GSE1: variants seen among roughly 807,000 people sequenced by gnomAD.
The protein encoded by GSE1 is Gse1 coiled-coil protein, also known as genetic suppressor element 1.
A neutral mutation model predicts 112.6 loss-of-function variants in GSE1; 32 were observed. The observed-to-expected ratio is 0.28, with a 90% confidence interval of 0.21 to 0.38. The LOEUF (loss-of-function observed/expected upper bound fraction) is 0.38, where lower values mean the gene tolerates loss of function less well. Ranked by LOEUF, GSE1 falls within the 10% of genes least tolerant of loss-of-function variation. The pLI, the probability that GSE1 is intolerant of heterozygous loss-of-function variation, is 1.00. For missense variants in GSE1, 2,348 were observed against 1,699.2 expected, an observed-to-expected ratio of 1.38 and a Z score of -6.71; for synonymous variants, 1,115 against 735.6, an observed-to-expected ratio of 1.52 and a Z score of -8.35.
chr16:85,206,100 G>C (rs1424417507), intron 1 of GSE1, among the ~76,000 whole-genome samples: 3 of 152,086 alleles, frequency 2.0e-5, no homozygotes, highest in African/African-American at 4.8e-5. Context: ...GGGAGGCCGG[G>C]AGGCATCTGC....
intron 2 of GSE1, among the ~76,000 whole-genome samples, chr16:85,396,509 G>C (rs945593065): frequency 6.6e-6 from 1 of 152,222 alleles, no homozygotes; most frequent in Non-Finnish European, 1.5e-5. Flanking sequence ...GATGCTCTCC[G>C]CTCCTCTGCC....
chr16:85,179,031 C>G (rs2074526967), intron 1 of GSE1, among the ~76,000 whole-genome samples: 1 of 152,076 alleles, frequency 6.6e-6, no homozygotes, highest in Non-Finnish European at 1.5e-5. Context: ...GTGAAAGTCA[C>G]CCTTTGAAAG....
chr16:85,553,044 GTTTTC>G (rs1248682923), upstream of GSE1, among the ~76,000 whole-genome samples: 2 of 143,060 alleles, frequency 1.4e-5, no homozygotes, highest in African/African-American at 4.9e-5. Context: ...TTTAAAAATA[GTTTTC>G]TTTTTTTTTT....
intron 2 of GSE1, among the ~76,000 whole-genome samples, chr16:85,362,781 T>C (rs1221765262): frequency 6.6e-6 from 1 of 151,254 alleles, no homozygotes; most frequent in African/African-American, 2.4e-5. Flanking sequence ...ACGTGGGCCC[T>C]GGGTATCCTT....
At chr16:85,546,937 G>A (rs1164561995) in intron 2 of GSE1, among the ~76,000 whole-genome samples, 13 of 152,342 alleles carry the variant, frequency 8.5e-5, no homozygotes, top group African/African-American at 2.6e-4. Flanking sequence ...GATGATCTCC[G>A]GGGGCCAGGC....
chr16:85,615,973 C>G (rs138606076), intron 1 of GSE1, among the ~76,000 whole-genome samples: 7 of 152,218 alleles, frequency 4.6e-5, no homozygotes, highest in Non-Finnish European at 8.8e-5. Flanking sequence ...CCGATGGCCC[C>G]GATGAGCCCT....
At chr16:85,581,484 G>A (rs776778675) in intron 1 of GSE1, among the ~76,000 whole-genome samples, 2 of 151,870 alleles carry the variant, frequency 1.3e-5, no homozygotes, top group Non-Finnish European at 2.9e-5. Flanking sequence ...GGGAGCTGAC[G>A]GGTTATCAGG....
At chr16:85,253,957 G>A (rs1194663437) in intron 1 of GSE1, among the ~76,000 whole-genome samples, 1 of 152,224 alleles carries the variant, frequency 6.6e-6, no homozygotes, top group Non-Finnish European at 1.5e-5. Flanking sequence ...TGGCAAACAT[G>A]TCTGGATGTC....
At chr16:85,517,267 C>G (rs1268238209) in intron 2 of GSE1, among the ~76,000 whole-genome samples, 1 of 152,018 alleles carries the variant, frequency 6.6e-6, no homozygotes, top group Non-Finnish European at 1.5e-5. Context: ...AGATGGGTTA[C>G]CTGAGGACAC....
intron 1 of GSE1, among the ~76,000 whole-genome samples, chr16:85,312,321 G>A (rs964005700): frequency 1.5e-4 from 23 of 150,936 alleles, no homozygotes; most frequent in African/African-American, 3.7e-4. Context: ...ACTTTTTCAC[G>A]GTTCTGCAGG....
Position 85,222,111 on chromosome 16 carries a change from C to G in GSE1, c.2283+50304C>G, listed in dbSNP as rs151272905. ...CTAGTCCTCTCCCTCTGGGCCACAT[C>G]TATTCCACGAGAGGATGGATGCTGG... is the stretch of plus-strand genomic sequence containing the variant. On this transcript the variant is annotated intron_variant, in intron 1 of 2. Coordinates refer to the GSE1 transcript ENST00000637419. Among the ~76,000 whole-genome samples the G allele has an allele frequency of 4.0e-3, 616 of 152,272 alleles. 5 individuals carry two copies. The highest frequency in any genetic ancestry group is 0.017 in the Middle Eastern group (5 of 294).
In GSE1 at chr16:85,634,220, A is replaced by G. The variant is rs569522691; in HGVS notation, c.226+88A>G. On this transcript the variant is annotated intron_variant, in intron 2 of 15. Transcript: ENST00000253458. ...TCCCGCCTGCGGCGTGCACGCTCAC[A>G]GCAGGTCTCGTCTTTCCCACGCCGT... 1,597 of 920,222 alleles carry G rather than the reference A, an allele frequency of 1.7e-3. 28 individuals carry two copies. The South Asian group carries it at 0.03, about 17-fold the overall frequency. 57.0% of individuals were successfully genotyped at this position (920,222 alleles called of 1,614,324 possible). A position where few individuals can be genotyped will look rare whatever the true frequency, so the allele number is the denominator to read the frequency against.
intron 1 of GSE1, among the ~76,000 whole-genome samples, chr16:85,213,118 A>T (rs889278738): frequency 4.6e-5 from 7 of 151,900 alleles, no homozygotes; most frequent in Non-Finnish European, 8.8e-5. Context: ...AAATACAAAA[A>T]ATTAGCCAGC....
chr16:85,658,349 CAG>C, intron 8 of GSE1, among the ~76,000 whole-genome samples: 1 of 152,324 alleles, frequency 6.6e-6, no homozygotes, highest in African/African-American at 2.4e-5. Flanking sequence ...AGGCCCAGCT[CAG>C]GGACCTAGGG....
At chr16:85,341,469 C>A (rs1416563033) in intron 1 of GSE1, among the ~76,000 whole-genome samples, 1 of 151,710 alleles carries the variant, frequency 6.6e-6, no homozygotes, top group African/African-American at 2.4e-5. Flanking sequence ...ACCAGCCTGG[C>A]CAACATGATG....
chr16:85,206,919 G>A (rs1015266282), intron 1 of GSE1, among the ~76,000 whole-genome samples: 4 of 151,952 alleles, frequency 2.6e-5, no homozygotes, highest in Non-Finnish European at 5.9e-5. Context: ...CCAGAGGGGT[G>A]GGCCAGCGCC....
Position 85,208,119 on chromosome 16 carries a change from C to T in GSE1, c.2283+36312C>T, listed in dbSNP as rs73260375. ...GGAGGGAGTCAGGATGCCTGGTTGT[C>T]GTCCTTGTCCTTGAATGGCCTGGTG... On this transcript the variant is annotated intron_variant, in intron 1 of 2. Coordinates refer to the GSE1 transcript ENST00000637419. 2.6e-3 allele frequency among the ~76,000 whole-genome samples: 395 copies of T among 152,262 alleles called. 3 individuals are homozygous for T. Among genetic ancestry groups the T allele is most frequent in the African/African-American group, 9.2e-3 (382 of 41,538 alleles).
intron 1 of GSE1, among the ~76,000 whole-genome samples, chr16:85,327,582 A>G (rs185195080): frequency 4.9e-4 from 74 of 151,448 alleles, no homozygotes; most frequent in African/African-American, 1.8e-3. Flanking sequence ...CAGCCTGGGC[A>G]ACAGAGCGAG....
intron 2 of GSE1, among the ~76,000 whole-genome samples, chr16:85,449,595 T>G (rs1163353304): frequency 3.9e-5 from 6 of 152,230 alleles, no homozygotes; most frequent in African/African-American, 1.4e-4. Context: ...TGCCCTCTCT[T>G]CCGGAATGGA....
Sources: allele counts gnomAD v4.1 joint callset (sites outside exome capture counted in the v4.1 genomes callset), GRCh38; gene constraint gnomAD v4.1.1; transcripts MANE v1.5; gene names NCBI Gene and HGNC (gene_info 2026-07-23, HGNC 2026-07-21).